Variants in APBA2 observed in about 807,000 individuals in gnomAD.
APBA2 encodes amyloid-beta A4 precursor protein-binding family A member 2.
Under a neutral mutation model 75.0 loss-of-function variants are expected in APBA2, and 30 were observed. The observed-to-expected ratio is 0.40, with a 90% CI of 0.30 to 0.54. The LOEUF (loss-of-function observed/expected upper bound fraction) is 0.54. Among genes scored for constraint, APBA2 ranks in the 20% least tolerant of loss-of-function variants. APBA2 has a pLI of 0.49. For synonymous variants in APBA2, 444 were observed against 409.6 expected, an observed-to-expected ratio of 1.08 and a Z score of -1.01; for missense variants, 801 against 1,016.1, an observed-to-expected ratio of 0.79 and a Z score of 2.88.
chr15:29,071,214 T>G (rs772796680), intron 4 of APBA2: 1 of 372,236 alleles, frequency 2.7e-6, no homozygotes, highest in Non-Finnish European at 5.3e-6. Flanking sequence ...AATCCAAGCT[T>G]TAGTTTCACC....
intron 2 of APBA2, among the ~76,000 whole-genome samples, chr15:28,967,501 C>G (rs1039064538): frequency 2.0e-5 from 3 of 152,104 alleles, no homozygotes. Flanking sequence ...TGCAGTGGCA[C>G]GATCTTGGCC....
At chr15:28,994,322 C>T (rs59913767) in intron 2 of APBA2, among the ~76,000 whole-genome samples, 12,001 of 152,126 alleles carry the variant, frequency 0.079, 645 homozygotes, top group East Asian at 0.27. Flanking sequence ...CTGCGGAAAG[C>T]GTGTGTGTGA....
At chr15:28,943,454 C>T (rs990525261) in intron 2 of APBA2, among the ~76,000 whole-genome samples, 1 of 152,232 alleles carries the variant, frequency 6.6e-6, no homozygotes, top group African/African-American at 2.4e-5. Context: ...GAGCATTGGC[C>T]TGCACTGTCC....
chr15:28,923,711 C>T (rs907357858), intron 2 of APBA2, among the ~76,000 whole-genome samples: 10 of 152,172 alleles, frequency 6.6e-5, no homozygotes, highest in Admixed American at 4.6e-4. Context: ...GGATAGTCCT[C>T]CTCTGAGTGG....
In APBA2 at chr15:29,093,354, C is replaced by G. The variant is rs1452367798; in HGVS notation, c.1215+134C>G. 3 of 1,348,962 alleles carry G rather than the reference C, an allele frequency of 2.2e-6. No individual in the cohort carries two copies. In the African/African-American group the frequency reaches 4.3e-5, roughly 20 times the overall value. The allele number at this position is 1,348,962 out of a possible 1,614,324, so 83.6% of individuals were successfully genotyped here. Reference sequence around the variant, plus strand: ...CTCAGCACAGGGGGCAGGAGCGGCCCAGGTGCCAACGAGGCTGAGGGAGGC... The same window carrying G: ...CTCAGCACAGGGGGCAGGAGCGGCCGAGGTGCCAACGAGGCTGAGGGAGGC... On this transcript the variant is annotated intron_variant, in intron 7 of 14. Coordinates refer to ENST00000683413, the MANE Select transcript of APBA2 (RefSeq NM_001353788.2).
In APBA2 at chr15:29,003,458, C is replaced by G. The variant is rs528064316; in HGVS notation, c.-41+7652C>G. Among the ~76,000 whole-genome samples, 8 of 152,310 alleles carry G rather than the reference C, an allele frequency of 5.3e-5. No individual in the cohort carries two copies. The East Asian group carries it at 1.5e-3, about 29-fold the overall frequency. Reference sequence around the variant, plus strand: ...GACTCTTGCTGTTTGAGGAAAGAGGCTCAGAGTAGTTAAGCCACTAGCTCC... The same window carrying G: ...GACTCTTGCTGTTTGAGGAAAGAGGGTCAGAGTAGTTAAGCCACTAGCTCC... On this transcript the variant is annotated intron_variant, in intron 3 of 14. Coordinates refer to ENST00000683413, the MANE Select transcript of APBA2 (RefSeq NM_001353788.2).
intron 2 of APBA2, among the ~76,000 whole-genome samples, chr15:28,972,968 C>T (rs117844388): frequency 0.013 from 1,972 of 152,290 alleles, 23 homozygotes; most frequent in Non-Finnish European, 0.02. Context: ...AGCATATTTG[C>T]ATTACTTATG....
intron 2 of APBA2, among the ~76,000 whole-genome samples, chr15:28,963,123 G>A (rs1278327606): frequency 2.0e-5 from 3 of 152,208 alleles, no homozygotes; most frequent in Admixed American, 6.5e-5. Context: ...AAGGCCTGGT[G>A]TGAATTTTTT....
intron 3 of APBA2, among the ~76,000 whole-genome samples, chr15:29,030,139 C>T (rs2152842828): frequency 6.6e-6 from 1 of 152,230 alleles, no homozygotes; most frequent in East Asian, 1.9e-4. Flanking sequence ...TCACCCTCTG[C>T]CCAGAAAGCT....
At chr15:29,009,408 T>G (rs2039289836) in intron 3 of APBA2, among the ~76,000 whole-genome samples, 1 of 152,192 alleles carries the variant, frequency 6.6e-6, no homozygotes, top group Non-Finnish European at 1.5e-5. Flanking sequence ...AAAATAAGCT[T>G]CTTAATTCAA....
intron 12 of APBA2, 92 bp from the exon 13 acceptor site, chr15:29,108,178 C>T: frequency 1.9e-6 from 3 of 1,587,056 alleles, no homozygotes; most frequent in African/African-American, 1.3e-5. Context: ...TCTCACTGCC[C>T]CCGGCCTCCA....
rs986402570 is a variant in APBA2 at position 29,118,100 on chromosome 15, C to G, written c.*967C>G. On this transcript the variant is annotated 3_prime_UTR_variant, in exon 15 of 15. Transcript: ENST00000683413. ...AGATCAAGTCGGATCTAGTCCAGCTCGGTTCATTAGCGATCCATGTAATCT... is the reference window on the plus strand; with the variant it reads ...AGATCAAGTCGGATCTAGTCCAGCTGGGTTCATTAGCGATCCATGTAATCT... The G allele has an allele frequency of 6.8e-6, 1 of 146,362 alleles. No individual in the cohort carries two copies. The highest frequency in any genetic ancestry group is 2.5e-5 in the African/African-American group (1 of 39,356). 9.1% of individuals were successfully genotyped at this position (146,362 alleles called of 1,614,324 possible).
At chr15:28,895,406 A>T (rs1366867565) in intron 1 of APBA2, 1 of 152,314 alleles carries the variant, frequency 6.6e-6, no homozygotes, top group African/African-American at 2.4e-5. Flanking sequence ...CCGCAGGATG[A>T]TGGGCTCCAG....
intron 1 of APBA2, among the ~76,000 whole-genome samples, chr15:28,890,916 T>A (rs1487801345): frequency 6.6e-6 from 1 of 152,116 alleles, no homozygotes; most frequent in Non-Finnish European, 1.5e-5. Flanking sequence ...TACGGCCTAG[T>A]GAGAGAATGC....
intron 2 of APBA2, among the ~76,000 whole-genome samples, chr15:28,969,379 C>T (rs762512390): frequency 4.6e-5 from 7 of 152,038 alleles, no homozygotes; most frequent in Non-Finnish European, 8.8e-5. Context: ...TGGGGTTTCA[C>T]CTATAGGCCA....
At chr15:29,016,844 T>G (rs2152823151) in intron 3 of APBA2, among the ~76,000 whole-genome samples, 1 of 152,324 alleles carries the variant, frequency 6.6e-6, no homozygotes, top group Admixed American at 6.5e-5. Flanking sequence ...TCCGTTTCTC[T>G]CTCCCTGCAT....
At chr15:28,973,223 G>T (rs2037163218) in intron 2 of APBA2, among the ~76,000 whole-genome samples, 1 of 152,166 alleles carries the variant, frequency 6.6e-6, no homozygotes, top group African/African-American at 2.4e-5. Flanking sequence ...ACAGAACTTG[G>T]ATTTCTTCAA....
rs2043731790 is a variant in APBA2, at chr15:29,094,240, G to C, written c.1216-38G>C. 5.0e-6 allele frequency: 8 copies of C among 1,612,802 alleles called. No individual in the cohort carries two copies. The East Asian group carries it at 1.8e-4, about 36-fold the overall frequency. On this transcript the variant is annotated intron_variant, in intron 7 of 14. Coordinates refer to ENST00000683413, the MANE Select transcript of APBA2 (RefSeq NM_001353788.2). The stretch of plus-strand genomic sequence containing the variant: ...AACCTCACGCACCTTCCTTCTCTCT[G>C]TGCCAACTTGTTTTTCTTTTCTCTT...
At chr15:28,958,286 T>A (rs2036280414) in intron 2 of APBA2, among the ~76,000 whole-genome samples, 2 of 152,214 alleles carry the variant, frequency 1.3e-5, no homozygotes, top group South Asian at 4.1e-4. Context: ...TGTTATTTGC[T>A]TTGGACTCAC....
Sources: gnomAD v4.1 joint callset for allele counts (sites outside exome capture counted in the v4.1 genomes callset) on GRCh38, gnomAD v4.1.1 for gene constraint, MANE v1.5 for transcripts, NCBI Gene and HGNC (gene_info 2026-07-23, HGNC 2026-07-21) for gene names.